The following ICE2 variants were observed in gnomAD, a reference collection of about 807,000 sequenced individuals.
ICE2 encodes little elongation complex subunit 2.
A neutral mutation model predicts 105.4 loss-of-function variants in ICE2; 87 were observed. The ratio of observed to expected loss-of-function variants is 0.83; its 90% CI spans 0.69 to 0.99. The LOEUF is 0.99. Ranked by LOEUF, ICE2 falls within the 50% of genes least tolerant of loss-of-function variation. The pLI is 0.00. For missense variants in ICE2, 1,323 were observed against 1,146.7 expected, an observed-to-expected ratio of 1.15 and a Z score of -2.22; for synonymous variants, 399 against 392.0, an observed-to-expected ratio of 1.02 and a Z score of -0.21.
intron 4 of ICE2, among the ~76,000 whole-genome samples, chr15:60,467,315 T>A (rs1166280157): frequency 1.3e-5 from 2 of 152,004 alleles, no homozygotes; most frequent in Non-Finnish European, 2.9e-5. Flanking sequence ...GCAAATAATA[T>A]AAATAGGCAA....
At position 60,423,591 on chromosome 15, in the gene ICE2, G is replaced by C; in HGVS notation, c.*43C>G. Reference sequence around the variant, plus strand: ...CTCAAACTTATCTAAATTAAACACTGTTATAACTGTTTTTTTAAATTTAGT... The same window carrying C: ...CTCAAACTTATCTAAATTAAACACTCTTATAACTGTTTTTTTAAATTTAGT... On this transcript the variant is annotated 3_prime_UTR_variant, in exon 16 of 16. Coordinates refer to ENST00000261520, the MANE Select transcript of ICE2 (RefSeq NM_024611.6). The C allele has an allele frequency of 6.4e-7, 1 of 1,554,818 alleles. No homozygotes were observed. The highest frequency in any genetic ancestry group is 2.4e-5 in the East Asian group (1 of 42,130).
chr15:60,466,125 A>G (rs1237647633), intron 5 of ICE2, among the ~76,000 whole-genome samples: 1 of 152,186 alleles, frequency 6.6e-6, no homozygotes, highest in Non-Finnish European at 1.5e-5. Context: ...GATGATATAC[A>G]GGTCTTACTA....
intron 9 of ICE2, chr15:60,453,327 A>C (rs1371709175): frequency 7.6e-6 from 9 of 1,177,916 alleles, no homozygotes; most frequent in Non-Finnish European, 9.5e-6. Flanking sequence ...ACATAACTAA[A>C]AACGTGCTCA....
chr15:60,441,494 T>A (rs2063719510), intron 12 of ICE2: 2 of 152,176 alleles, frequency 1.3e-5, no homozygotes, highest in Admixed American at 1.3e-4. Context: ...CAACACAGAA[T>A]TTTATCAGAC....
intron 12 of ICE2, among the ~76,000 whole-genome samples, chr15:60,436,815 T>C (rs1361649179): frequency 6.6e-6 from 1 of 151,984 alleles, no homozygotes; most frequent in Admixed American, 6.6e-5. Flanking sequence ...ATAATATGTA[T>C]TTTTATGTTA....
At chr15:60,472,011 C>T (rs998492035) in intron 3 of ICE2, among the ~76,000 whole-genome samples, 4 of 151,498 alleles carry the variant, frequency 2.6e-5, no homozygotes, top group South Asian at 2.1e-4. Context: ...CGCTTGTTTG[C>T]TTAAAACTCA....
At chr15:60,425,846 A>C (rs879773119) in intron 15 of ICE2, among the ~76,000 whole-genome samples, 16 of 152,226 alleles carry the variant, frequency 1.1e-4, no homozygotes, top group Admixed American at 9.2e-4. Context: ...TAGAAGGCCC[A>C]ATCCCATGGC....
intron 13 of ICE2, among the ~76,000 whole-genome samples, chr15:60,435,191 G>A (rs1184986709): frequency 1.3e-5 from 2 of 152,128 alleles, no homozygotes; most frequent in Non-Finnish European, 2.9e-5. Flanking sequence ...TGAGGCAGGA[G>A]AATGGCATGA....
At chr15:60,442,811 G>A in intron 11 of ICE2, 1 of 241,558 alleles carries the variant, frequency 4.1e-6, no homozygotes, top group Non-Finnish European at 7.8e-6. Context: ...CCCCACATAG[G>A]CAAGGTTTGA....
chr15:60,478,127 T>A, intron 1 of ICE2, 58 bp from the exon 2 acceptor site: 1 of 693,580 alleles, frequency 1.4e-6, no homozygotes, highest in South Asian at 1.6e-5. Flanking sequence ...CCAGGTGCTA[T>A]TAGGTGAGGA....
intron 5 of ICE2, among the ~76,000 whole-genome samples, chr15:60,464,029 A>G (rs76694005): frequency 0.021 from 3,230 of 152,302 alleles, 121 homozygotes; most frequent in African/African-American, 0.069. Context: ...AGCTGCATCT[A>G]TTTTTTCTTT....
At chr15:60,442,716 T>C (rs745860144) in intron 11 of ICE2, 171 bp from the exon 12 acceptor site, 21 of 477,742 alleles carry the variant, frequency 4.4e-5, no homozygotes, top group Non-Finnish European at 6.6e-5. Flanking sequence ...GCCTGATGAA[T>C]AGAAGAATGT....
rs929900515 is a variant in ICE2, at chr15:60,438,190, T to C, written c.2426-1963A>G. The C allele has an allele frequency of 4.6e-5, 7 of 152,206 alleles. No individual in the cohort carries two copies. The South Asian group carries it at 6.2e-4, about 14-fold the overall frequency. The allele number at this position is 152,206 out of a possible 1,614,324, so 9.4% of individuals were successfully genotyped here. ...CACAAAAATCGTATGTATTGTACCA[T>C]AGTTAAAAACATCAACTAGCATGAT... On this transcript the variant is annotated intron_variant, in intron 12 of 15. Transcript: ENST00000261520.
intron 9 of ICE2, among the ~76,000 whole-genome samples, chr15:60,450,849 G>C (rs2063948377): frequency 6.6e-6 from 1 of 152,196 alleles, no homozygotes; most frequent in Non-Finnish European, 1.5e-5. Flanking sequence ...ATGGTAGCTA[G>C]TGAATGGTAA....
chr15:60,466,847 G>C (rs1264204581), intron 4 of ICE2, 134 bp from the exon 5 acceptor site: 1 of 754,244 alleles, frequency 1.3e-6, no homozygotes, highest in African/African-American at 1.8e-5. Context: ...AATCAAAGAA[G>C]TCAGTAAAAA....
At chr15:60,460,555 C>G (rs930714917) in intron 5 of ICE2, among the ~76,000 whole-genome samples, 5 of 152,112 alleles carry the variant, frequency 3.3e-5, no homozygotes, top group Non-Finnish European at 7.4e-5. Flanking sequence ...GAAAAAATAC[C>G]CTTCTCAACC....
intron 9 of ICE2, 29 bp from the exon 10 acceptor site, chr15:60,449,870 G>A: frequency 6.5e-7 from 1 of 1,549,652 alleles, no homozygotes; most frequent in South Asian, 1.2e-5. Context: ...TAAAGTATTA[G>A]TAAAAATTTC....
chr15:60,449,973 G>T (rs748270030), intron 9 of ICE2, 132 bp from the exon 10 acceptor site: 3 of 687,100 alleles, frequency 4.4e-6, no homozygotes. Flanking sequence ...GGTTGTAAAA[G>T]GTTCTTGTTT....
chr15:60,475,543 G>A (rs2064737037), intron 3 of ICE2, among the ~76,000 whole-genome samples: 1 of 152,124 alleles, frequency 6.6e-6, no homozygotes, highest in Non-Finnish European at 1.5e-5. Context: ...AGGCTATATA[G>A]TGAGGTAATA....
Sources: gnomAD v4.1 joint callset for allele counts (sites outside exome capture counted in the v4.1 genomes callset) on GRCh38, gnomAD v4.1.1 for gene constraint, MANE v1.5 for transcripts, NCBI Gene and HGNC (gene_info 2026-07-23, HGNC 2026-07-21) for gene names.